CIC: variants seen among roughly 807,000 people sequenced by gnomAD.
The protein encoded by CIC is protein capicua homolog.
CIC carries 18 observed loss-of-function variants against 115.7 expected under a neutral mutation model. That is an observed-to-expected ratio of 0.16 (90% confidence interval 0.11 to 0.23). The LOEUF is 0.23. Among genes scored for constraint, CIC ranks in the 10% least tolerant of loss-of-function variants. The pLI is 1.00. For synonymous variants in CIC, 1,076 were observed against 923.0 expected (o/e 1.17, Z -3.01); for missense variants, 2,000 against 2,159.3 (o/e 0.93, Z 1.46).
At chr19:42,278,234 C>T (rs1438610428) in intron 2 of CIC, among the ~76,000 whole-genome samples, 1 of 152,244 alleles carries the variant, frequency 6.6e-6, no homozygotes, top group Non-Finnish European at 1.5e-5. Flanking sequence ...AGGATCCCGC[C>T]CCAGGGCCTG....
At chr19:42,269,912 C>T (rs2036710567) in intron 1 of CIC, among the ~76,000 whole-genome samples, 1 of 151,958 alleles carries the variant, frequency 6.6e-6, no homozygotes, top group Admixed American at 6.6e-5. Flanking sequence ...CTGGGCTGGC[C>T]TGGGCTCCGG....
chr19:42,293,560 G>A, intron 16 of CIC, 32 bp from the exon 17 acceptor site: 2 of 1,613,566 alleles, frequency 1.2e-6, no homozygotes, highest in Non-Finnish European at 1.7e-6. Context: ...TGAGCTCAGT[G>A]TTCGCCATCT....
At chr19:42,288,799 G>A in intron 7 of CIC, 89 bp from the exon 8 acceptor site, 1 of 1,206,352 alleles carries the variant, frequency 8.3e-7, no homozygotes, top group Non-Finnish European at 1.2e-6. Flanking sequence ...CTTCTGCCTA[G>A]TACCTAGAAA....
At chr19:42,284,913 C>G in intron 2 of CIC, 1 of 777,452 alleles carries the variant, frequency 1.3e-6, no homozygotes, top group Non-Finnish European at 2.1e-6. Flanking sequence ...GGAGCTCGGC[C>G]GGGCCGAGTG....
Position 42,273,044 on chromosome 19 carries a change from C to T in CIC, c.1261C>T (p.Leu421Phe). The change falls in exon 2 of 21, where the codon CTC becomes TTC. Residue 421 changes from leucine (L) to phenylalanine (F), a missense_variant. Physicochemically the swap from Leu to Phe is conservative, Grantham distance 22. Coordinates refer to ENST00000681038, the MANE Select transcript of CIC (RefSeq NM_001386298.1). Reference protein sequence around the residue: ...PALLPLPPPQLLSPPPKSPAF... With the variant: ...PALLPLPPPQFLSPPPKSPAF... ...CCTGCTCCCACTGCCCCCACCCCAG[C>T]TCCTGTCACCACCACCCAAGTCTCC... 1 of 399,344 alleles carries T rather than the reference C, an allele frequency of 2.5e-6. No individual in the cohort carries two copies. The allele number at this position is 399,344 out of a possible 1,614,324, so 24.7% of individuals were successfully genotyped here.
rs1383222581 is a variant in CIC, at chr19:42,294,006, T to C, written c.6839T>C (p.Leu2280Pro). The C allele has an allele frequency of 1.2e-6, 2 of 1,613,498 alleles. No individual in the cohort carries two copies. Among genetic ancestry groups the C allele is most frequent in the Non-Finnish European group, 8.5e-7 (1 of 1,180,002 alleles). ...CCTGAGTTTCGGCCTGAGGAGGTGC[T>C]GCCCTCCCCCACCCTGCAGTCTCTG... is the stretch of plus-strand genomic sequence containing the variant. The part of the protein sequence containing the change: ...ELPEFRPEEV[L>P]PSPTLQSLAT... The change falls in exon 18 of 21, where the codon CTG (leucine) becomes CCG (proline). Residue 2280 changes from leucine to proline, a missense_variant. Around this residue, in one of 8 missense-constraint regions of CIC, gnomAD observed 99 missense variants for 217.6 expected, o/e 0.45. Coordinates refer to ENST00000681038, the MANE Select transcript of CIC (RefSeq NM_001386298.1).
intron 2 of CIC, among the ~76,000 whole-genome samples, chr19:42,283,559 AG>A (rs1568496102): frequency 6.6e-6 from 1 of 152,052 alleles, no homozygotes; most frequent in South Asian, 2.1e-4. Flanking sequence ...TATGTCTGTG[AG>A]GAGTGTGAGT....
chr19:42,278,828 T>C (rs905513728), intron 2 of CIC, among the ~76,000 whole-genome samples: 3 of 152,230 alleles, frequency 2.0e-5, no homozygotes, highest in African/African-American at 7.2e-5. Context: ...TGCCTACTAC[T>C]GTCCCTGAAA....
rs2147252096 is a variant in CIC at position 42,290,374 on chromosome 19, G to C, written c.4333G>C (p.Ala1445Pro). Reference protein sequence around the residue: ...KGYGSAPSSSASSPASSSASA... With the variant: ...KGYGSAPSSSPSSPASSSASA... ...CTATGGTTCCGCCCCATCCTCCTCT[G>C]CGTCCTCGCCTGCTTCCTCCTCAGC... Residue 1445 changes from alanine to proline, a missense_variant, in exon 11 of 21, where the codon GCG becomes CCG. Coordinates refer to ENST00000681038, the MANE Select transcript of CIC (RefSeq NM_001386298.1). The C allele has an allele frequency of 2.5e-6, 4 of 1,613,966 alleles. No homozygotes were observed. Among genetic ancestry groups the C allele is most frequent in the Non-Finnish European group, 3.4e-6 (4 of 1,179,946 alleles).
intron 2 of CIC, among the ~76,000 whole-genome samples, chr19:42,285,451 G>C (rs1270898318): frequency 6.6e-6 from 1 of 152,178 alleles, no homozygotes; most frequent in South Asian, 2.1e-4. Context: ...GTAGTCTTGA[G>C]TGCTCTTCAG....
In CIC at chr19:42,289,967, A is replaced by G; in HGVS notation, c.4191+16A>G. 1.9e-6 allele frequency: 3 copies of G among 1,579,702 alleles called. No homozygotes were observed. The highest frequency in any genetic ancestry group is 2.6e-6 in the Non-Finnish European group (3 of 1,157,528). On this transcript the variant is annotated intron_variant, in intron 10 of 20. Coordinates refer to ENST00000681038, the MANE Select transcript of CIC (RefSeq NM_001386298.1). ...GGGCAACAAGGTGAGGGCTTGGGTC[A>G]CGGTGCTGTCCCATCACACTCCCTC...
At chr19:42,275,856 GCCTGGC>G (rs2036956766) in intron 2 of CIC, among the ~76,000 whole-genome samples, 1 of 152,004 alleles carries the variant, frequency 6.6e-6, no homozygotes, top group Non-Finnish European at 1.5e-5. Context: ...TTGATTCAGG[GCCTGGC>G]CCTGTGCTGT....
At position 42,270,253 on chromosome 19, in the gene CIC, C is replaced by T. The variant is rs1197987820; in HGVS notation, c.-11+872C>T. Among the ~76,000 whole-genome samples, 2 of 152,138 alleles carry T rather than the reference C, an allele frequency of 1.3e-5. No individual in the cohort carries two copies. Among genetic ancestry groups the T allele is most frequent in the African/African-American group, 4.8e-5 (2 of 41,426 alleles). On this transcript the variant is annotated intron_variant, in intron 1 of 20. Coordinates refer to ENST00000681038, the MANE Select transcript of CIC (RefSeq NM_001386298.1). This position sits in a 1 kb window ranked among gnomAD's most constrained non-coding sequence, Gnocchi z 4.1. ...CCCCGGGACGCCCTCCAGGCTCTGC[C>T]TGTGAGGACCCCAGGATTGGCCCAA...
At chr19:42,291,830 C>T (rs1184413124) in intron 12 of CIC, 85 bp downstream of exon 12, 4 of 1,520,942 alleles carry the variant, frequency 2.6e-6, no homozygotes, top group Non-Finnish European at 3.6e-6. Flanking sequence ...GTCTTTTCTC[C>T]TTCTCCATGT....
At chr19:42,271,715 C>T (rs1473089824) in intron 1 of CIC, 59 bp from the exon 2 acceptor site, 2 of 398,232 alleles carry the variant, frequency 5.0e-6, no homozygotes, top group East Asian at 3.6e-5. Context: ...TTAGGGTACA[C>T]TGGCTCTGGA....
In CIC at chr19:42,292,858, A is replaced by G. The variant is rs1030131267; in HGVS notation, c.6195A>G (p.Thr2065=). The G allele has an allele frequency of 1.9e-6, 3 of 1,613,632 alleles. No homozygotes were observed. The highest frequency in any genetic ancestry group is 2.5e-6 in the Non-Finnish European group (3 of 1,179,940). ...CGACTAGCCCTTTCCCCAGCGCCACAGGTAGGTGTCAGATCAACCCAGAGC... is the reference window on the plus strand; with the variant it reads ...CGACTAGCCCTTTCCCCAGCGCCACGGGTAGGTGTCAGATCAACCCAGAGC... ...PAPTSPFPSA[T]AGSMTYSLVA... The change falls in exon 15 of 21, where the codon ACA becomes ACG. Residue 2065 remains threonine (T), a splice_region_variant and synonymous_variant. Transcript: ENST00000681038.
chr19:42,283,726 C>G (rs1262718671), intron 2 of CIC, among the ~76,000 whole-genome samples: 2 of 152,058 alleles, frequency 1.3e-5, no homozygotes, highest in African/African-American at 2.4e-5. Context: ...GCACCACGCA[C>G]AACCCAGAGA....
chr19:42,292,873 C>G lies in CIC; in HGVS notation c.6196+14C>G. ...CCAGCGCCACAGGTAGGTGTCAGATCAACCCAGAGCAGAGTGAGTTGGGGG... is the reference window on the plus strand; with the variant it reads ...CCAGCGCCACAGGTAGGTGTCAGATGAACCCAGAGCAGAGTGAGTTGGGGG... On this transcript the variant is annotated intron_variant, in intron 15 of 20. Transcript: ENST00000681038. 1 of 1,613,868 alleles carries G rather than the reference C, an allele frequency of 6.2e-7. No individual in the cohort carries two copies. Among genetic ancestry groups the G allele is most frequent in the Non-Finnish European group, 8.5e-7 (1 of 1,179,992 alleles).
At chr19:42,288,146 G>A (rs894636990) in intron 7 of CIC, among the ~76,000 whole-genome samples, 171 bp downstream of exon 7, 2 of 124,628 alleles carry the variant, frequency 1.6e-5, no homozygotes, top group Admixed American at 1.5e-4. Flanking sequence ...ACGGAGCCAG[G>A]GAGATCCACA....
Sources: gnomAD v4.1 joint callset for allele counts (sites outside exome capture counted in the v4.1 genomes callset) on GRCh38, gnomAD v4.1.1 for gene constraint, gnomAD v4.1.1 regional missense constraint, Gnocchi (gnomAD v3.1) non-coding constraint, MANE v1.5 for transcripts, NCBI Gene and HGNC (gene_info 2026-07-23, HGNC 2026-07-21) for gene names.